The following ITPK1 variants were observed in gnomAD, a reference collection of about 807,000 sequenced individuals.
ITPK1 encodes inositol 1,3,4-trisphosphate 5/6-kinase.
Under a neutral mutation model 45.3 loss-of-function variants are expected in ITPK1, and 21 were observed. That is an observed-to-expected ratio of 0.46 (90% CI 0.33 to 0.67). ITPK1 has a LOEUF of 0.67. Among genes scored for constraint, ITPK1 ranks in the 30% least tolerant of loss-of-function variants. The probability of loss-of-function intolerance (pLI) is 0.02; values close to 1 mark genes in which losing one functional copy is unlikely to be tolerated. For missense variants in ITPK1, 474 were observed against 573.5 expected (o/e 0.83, Z 1.77); for synonymous variants, 258 against 253.6 (o/e 1.02, Z -0.16).
rs572104031 is a variant in ITPK1 at position 92,974,596 on chromosome 14, C to G, written c.365-11747G>C. Among the ~76,000 whole-genome samples the G allele has an allele frequency of 2.0e-3, 304 of 152,338 alleles. 1 individual carries two copies. The highest frequency in any genetic ancestry group is 4.0e-3 in the Admixed American group (61 of 15,304). On this transcript the variant is annotated intron_variant, in intron 5 of 10. Coordinates refer to ENST00000267615, the MANE Select transcript of ITPK1 (RefSeq NM_014216.6). Reference sequence around the variant, plus strand: ...AGCCCAGGTTCCAATCCAAGGTGCACAGTCTCAGGAGCTCCCCAGGAGCTA... The same window carrying G: ...AGCCCAGGTTCCAATCCAAGGTGCAGAGTCTCAGGAGCTCCCCAGGAGCTA...
intron 5 of ITPK1, among the ~76,000 whole-genome samples, chr14:92,987,159 T>C (rs1886527985): frequency 6.6e-6 from 1 of 151,966 alleles, no homozygotes; most frequent in African/African-American, 2.4e-5. Flanking sequence ...GACAAAGGGG[T>C]GAGGCTGCTG....
rs889838215 is a variant in ITPK1, at chr14:92,960,456, G to A, written c.504+1899C>T. On this transcript the variant is annotated intron_variant, in intron 7 of 10. Coordinates refer to ENST00000267615, the MANE Select transcript of ITPK1 (RefSeq NM_014216.6). ...TGACCCCTCATCCTTCACAGAAGCC[G>A]CTAACGTCTCCAGTCACAAATGTGA... Among the ~76,000 whole-genome samples the A allele has an allele frequency of 1.2e-4, 19 of 152,304 alleles. 1 individual carries two copies. Among genetic ancestry groups the A allele is most frequent in the African/African-American group, 4.1e-4 (17 of 41,556 alleles).
At chr14:93,096,905 C>T (rs1288296349) in intron 2 of ITPK1, among the ~76,000 whole-genome samples, 1 of 152,230 alleles carries the variant, frequency 6.6e-6, no homozygotes, top group Non-Finnish European at 1.5e-5. Context: ...GTCACCGAGT[C>T]CCTTGGTCAG....
intron 2 of ITPK1, among the ~76,000 whole-genome samples, chr14:93,083,042 A>C (rs1230621528): frequency 6.6e-6 from 1 of 152,194 alleles, no homozygotes; most frequent in Non-Finnish European, 1.5e-5. Flanking sequence ...AAGATGATGA[A>C]AATTACTCTG....
chr14:93,094,586 C>A (rs1410697761), intron 2 of ITPK1, among the ~76,000 whole-genome samples: 1 of 152,140 alleles, frequency 6.6e-6, no homozygotes, highest in Non-Finnish European at 1.5e-5. Flanking sequence ...ATCTCCCTGG[C>A]GGAAGCTTAG....
At chr14:92,988,646 A>T (rs901521766) in intron 5 of ITPK1, among the ~76,000 whole-genome samples, 2 of 152,064 alleles carry the variant, frequency 1.3e-5, no homozygotes, top group Non-Finnish European at 2.9e-5. Flanking sequence ...GGGGGTGTGG[A>T]AGGGGTACAC....
intron 5 of ITPK1, among the ~76,000 whole-genome samples, chr14:92,986,013 C>T (rs1566716536): frequency 1.3e-5 from 2 of 152,188 alleles, no homozygotes; most frequent in Non-Finnish European, 2.9e-5. Context: ...TTTAGATTCA[C>T]TATGGCGCTG....
At chr14:93,073,178 C>T (rs1202550996) in intron 3 of ITPK1, among the ~76,000 whole-genome samples, 34 of 152,226 alleles carry the variant, frequency 2.2e-4, no homozygotes, top group Non-Finnish European at 8.8e-5. Context: ...CCATGATTAT[C>T]CCCATTTTAC....
chr14:93,104,382 G>C (rs569444929), intron 2 of ITPK1, among the ~76,000 whole-genome samples: 1 of 152,184 alleles, frequency 6.6e-6, no homozygotes, highest in East Asian at 1.9e-4. Context: ...CCAGCTACTG[G>C]GGAGGCTGAG....
intron 9 of ITPK1, among the ~76,000 whole-genome samples, chr14:92,949,353 G>A (rs1887848766): frequency 6.6e-6 from 1 of 152,188 alleles, no homozygotes. Context: ...GCCCGCCTTG[G>A]CCTCCCAAAG....
rs577369323 is a variant in ITPK1, at chr14:93,102,261, G to A, written c.95+12808C>T. Among the ~76,000 whole-genome samples, 170 of 152,370 alleles carry A rather than the reference G, an allele frequency of 1.1e-3. 1 individual carries two copies. Among genetic ancestry groups the A allele is most frequent in the Non-Finnish European group, 1.1e-3 (76 of 68,040 alleles). On this transcript the variant is annotated intron_variant, in intron 2 of 10. Transcript: ENST00000267615. ...GAGAGGATGGGGCACCCAAATCTCC[G>A]CAAGCACAGGCCACGGCTTGGCTGC...
chr14:93,081,959 C>G (rs1176193910), intron 2 of ITPK1, among the ~76,000 whole-genome samples: 1 of 152,206 alleles, frequency 6.6e-6, no homozygotes, highest in Non-Finnish European at 1.5e-5. Flanking sequence ...CACCCTGAGG[C>G]CTCTGATCCA....
intron 5 of ITPK1, among the ~76,000 whole-genome samples, chr14:92,975,904 A>G (rs959510798): frequency 3.4e-4 from 51 of 152,182 alleles, no homozygotes; most frequent in African/African-American, 1.1e-3. Flanking sequence ...GGTTACTTCC[A>G]TGCTGTCTCA....
intron 4 of ITPK1, among the ~76,000 whole-genome samples, chr14:93,003,823 G>A (rs1391405850): frequency 1.3e-5 from 2 of 152,228 alleles, no homozygotes; most frequent in African/African-American, 4.8e-5. Context: ...AACAAATGCA[G>A]AGTCAAGAAA....
chr14:93,042,001 C>T (rs1282196869), intron 3 of ITPK1, among the ~76,000 whole-genome samples: 2 of 152,220 alleles, frequency 1.3e-5, no homozygotes, highest in Non-Finnish European at 2.9e-5. Flanking sequence ...GGGCCACCTA[C>T]TAAATGACAA....
chr14:93,059,284 GGAGTAT>G (rs1890390870), intron 3 of ITPK1, among the ~76,000 whole-genome samples: 2 of 67,420 alleles, frequency 3.0e-5, no homozygotes, highest in Non-Finnish European at 3.0e-5. Flanking sequence ...AGGGGTGGAG[GGAGTAT>G]GGGTGACGAA....
chr14:92,961,969 C>A (rs373841157), intron 7 of ITPK1, among the ~76,000 whole-genome samples: 25 of 152,352 alleles, frequency 1.6e-4, no homozygotes, highest in African/African-American at 5.8e-4. Flanking sequence ...TCACCAGAAA[C>A]TGACCCTGCT....
In ITPK1 at chr14:92,944,833, G is replaced by A. The variant is rs375530323; in HGVS notation, c.901+1498C>T. ...TGGTTTCCTCCCCACTGCACCCAGA[G>A]GCAATGGAGAAAAACACGATCGTCG... On this transcript the variant is annotated intron_variant, in intron 10 of 10. Transcript: ENST00000267615. Among the ~76,000 whole-genome samples, 6 of 152,280 alleles carry A rather than the reference G, an allele frequency of 3.9e-5. No individual in the cohort carries two copies. In the East Asian group the frequency reaches 7.7e-4, roughly 20 times the overall value.
intron 2 of ITPK1, among the ~76,000 whole-genome samples, chr14:93,111,667 C>A (rs1260081739): frequency 1.5e-4 from 23 of 149,190 alleles, no homozygotes; most frequent in African/African-American, 5.7e-4. Context: ...GCCGAGATTG[C>A]GCCACTGCAC....
Sources: allele counts gnomAD v4.1 joint callset (sites outside exome capture counted in the v4.1 genomes callset), GRCh38; gene constraint gnomAD v4.1.1; transcripts MANE v1.5; gene names NCBI Gene and HGNC (gene_info 2026-07-23, HGNC 2026-07-21).